The following TMEM117 variants were observed in gnomAD, a reference collection of about 807,000 sequenced individuals.
TMEM117 encodes the protein transmembrane protein 117.
A neutral mutation model predicts 52.4 loss-of-function variants in TMEM117; 27 were observed. The ratio of observed to expected loss-of-function variants is 0.51; its 90% CI spans 0.38 to 0.71. TMEM117 has a LOEUF of 0.71. Ranked by LOEUF, TMEM117 falls within the 30% of genes least tolerant of loss-of-function variation. TMEM117 has a pLI of 0.00. For missense variants in TMEM117, 556 were observed against 630.5 expected (o/e 0.88, Z 1.26); for synonymous variants, 215 against 206.3 (o/e 1.04, Z -0.36).
At chr12:43,983,440 G>A (rs17121301) in intron 3 of TMEM117, among the ~76,000 whole-genome samples, 1 of 151,490 alleles carries the variant, frequency 6.6e-6, no homozygotes, top group Non-Finnish European at 1.5e-5. Flanking sequence ...AGTCACTGCT[G>A]TAGCCTGTAT....
At chr12:43,803,956 C>CTTTT in the TMEM117 span, among the ~76,000 whole-genome samples, 1 of 152,188 alleles carries the variant, frequency 6.6e-6, no homozygotes, top group South Asian at 2.1e-4. Context: ...GATTCTCCCA[C>CTTTT]TCAACCAGAT....
At chr12:44,097,631 C>T (rs911970024) in intron 3 of TMEM117, among the ~76,000 whole-genome samples, 6 of 150,590 alleles carry the variant, frequency 4.0e-5, no homozygotes, top group South Asian at 2.1e-4. Flanking sequence ...AACCAAACAC[C>T]GCATGTTCTC....
chr12:44,140,861 T>C (rs989280627), intron 3 of TMEM117, among the ~76,000 whole-genome samples: 11 of 152,086 alleles, frequency 7.2e-5, no homozygotes, highest in Non-Finnish European at 1.2e-4. Flanking sequence ...TAATGCTCTT[T>C]AGAGATTTTA....
intron 3 of TMEM117, among the ~76,000 whole-genome samples, chr12:44,100,576 T>C (rs1947844662): frequency 6.6e-6 from 1 of 152,100 alleles, no homozygotes; most frequent in African/African-American, 2.4e-5. Context: ...GATGATACTT[T>C]GCTCATATTG....
At chr12:44,064,559 T>C (rs930382694) in intron 3 of TMEM117, among the ~76,000 whole-genome samples, 8 of 152,210 alleles carry the variant, frequency 5.3e-5, no homozygotes, top group African/African-American at 1.9e-4. Flanking sequence ...TCAAGACTTC[T>C]ATGAAATGTT....
Position 44,388,224 on chromosome 12 carries a change from C to G in TMEM117, c.1097C>G (p.Thr366Ser), listed in dbSNP as rs1328652607. The change falls in exon 8 of 8, where the codon ACT becomes AGT. Residue 366 changes from threonine (T) to serine (S), a missense_variant. By Grantham distance (58) the Thr-to-Ser change is moderately conservative (BLOSUM62 1). This residue lies in a region of TMEM117 where 206 missense variants were observed against 211.1 expected (regional missense o/e 0.98). Transcript: ENST00000266534. ...KLSWEWRSNH[T>S]NPRTNKTYVE... ...TCCTGGGAATGGAGGTCCAATCACA[C>G]TAACCCTCGGACTAATAAAACATAT... The G allele has an allele frequency of 2.5e-6, 4 of 1,613,414 alleles. No homozygotes were observed. Among genetic ancestry groups the G allele is most frequent in the Non-Finnish European group, 3.4e-6 (4 of 1,179,652 alleles).
chr12:44,306,102 T>C (rs1042252064), intron 6 of TMEM117, among the ~76,000 whole-genome samples: 1 of 152,026 alleles, frequency 6.6e-6, no homozygotes, highest in Admixed American at 6.6e-5. Flanking sequence ...AAACAGGTAC[T>C]ACAGACACTG....
At chr12:43,829,501 A>T in the TMEM117 span, among the ~76,000 whole-genome samples, 1 of 152,250 alleles carries the variant, frequency 6.6e-6, no homozygotes, top group Non-Finnish European at 1.5e-5. Context: ...CTCGAAAGCC[A>T]GTACATTATT....
At chr12:44,318,836 C>A (rs1951092903) in intron 6 of TMEM117, among the ~76,000 whole-genome samples, 2 of 151,948 alleles carry the variant, frequency 1.3e-5, no homozygotes, top group African/African-American at 4.8e-5. Context: ...GATGCAAATT[C>A]ATGTAAGTGG....
chr12:43,925,322 G>T (rs1944761924), intron 2 of TMEM117, among the ~76,000 whole-genome samples: 1 of 151,312 alleles, frequency 6.6e-6, no homozygotes, highest in Non-Finnish European at 1.5e-5. Context: ...TTTGTTAAAA[G>T]TATTGAATTG....
chr12:44,016,462 C>T (rs1946375349), intron 3 of TMEM117, among the ~76,000 whole-genome samples: 1 of 152,174 alleles, frequency 6.6e-6, no homozygotes. Flanking sequence ...AATGGTTCCC[C>T]TTTCCTCTTT....
chr12:44,137,373 T>C (rs2138185563), intron 3 of TMEM117, among the ~76,000 whole-genome samples: 1 of 152,176 alleles, frequency 6.6e-6, no homozygotes, highest in South Asian at 2.1e-4. Context: ...TATAAGTGTA[T>C]TATGAAATGG....
chr12:43,875,685 G>A lies in TMEM117; in HGVS notation c.277+30757G>A, dbSNP rs577798665. 2.6e-5 allele frequency among the ~76,000 whole-genome samples: 4 copies of A among 152,284 alleles called. No homozygotes were observed. In the East Asian group the frequency reaches 5.8e-4, roughly 22 times the overall value. ...AATTCAAAGAATTAAATTTGGGACAGGGCCTAGAACAAAAACCTGTTGGGC... is the reference window on the plus strand; with the variant it reads ...AATTCAAAGAATTAAATTTGGGACAAGGCCTAGAACAAAAACCTGTTGGGC... On this transcript the variant is annotated intron_variant, in intron 2 of 7. Coordinates refer to ENST00000266534, the MANE Select transcript of TMEM117 (RefSeq NM_032256.3).
intron 2 of TMEM117, among the ~76,000 whole-genome samples, chr12:43,923,906 A>T (rs1944735353): frequency 6.6e-6 from 1 of 152,198 alleles, no homozygotes; most frequent in South Asian, 2.1e-4. Context: ...TTATTTGTGA[A>T]GTTCAGGAAG....
the TMEM117 span, chr12:43,797,026 G>A: frequency 1.2e-6 from 2 of 1,611,034 alleles, no homozygotes; most frequent in Non-Finnish European, 1.7e-6. Flanking sequence ...TCTAGCAGAC[G>A]GCTCTTGCAG....
intron 5 of TMEM117, among the ~76,000 whole-genome samples, chr12:44,224,715 G>T (rs932622599): frequency 6.6e-6 from 1 of 152,102 alleles, no homozygotes; most frequent in Non-Finnish European, 1.5e-5. Flanking sequence ...CTGTAAAGCA[G>T]GTTTTGCTTT....
chr12:44,002,139 A>G (rs1251582048), intron 3 of TMEM117, among the ~76,000 whole-genome samples: 1 of 152,194 alleles, frequency 6.6e-6, no homozygotes, highest in African/African-American at 2.4e-5. Context: ...AGACCATCCT[A>G]AGAAGGGATT....
intron 6 of TMEM117, among the ~76,000 whole-genome samples, chr12:44,307,116 T>A (rs1950913659): frequency 6.6e-6 from 1 of 152,254 alleles, no homozygotes; most frequent in South Asian, 2.1e-4. Flanking sequence ...GACTTTATTT[T>A]AAAACCCCAT....
chr12:44,371,486 C>T (rs1464861047), intron 6 of TMEM117, among the ~76,000 whole-genome samples: 1 of 152,162 alleles, frequency 6.6e-6, no homozygotes, highest in Non-Finnish European at 1.5e-5. Flanking sequence ...CCTCATAAAT[C>T]AGGTGGCTAA....
Sources: gnomAD v4.1 joint callset for allele counts (sites outside exome capture counted in the v4.1 genomes callset) on GRCh38, gnomAD v4.1.1 for gene constraint, gnomAD v4.1.1 regional missense constraint, MANE v1.5 for transcripts, NCBI Gene and HGNC (gene_info 2026-07-23, HGNC 2026-07-21) for gene names.